The following LEKR1 variants were observed in gnomAD, a reference collection of about 807,000 sequenced individuals.
LEKR1 encodes protein LEKR1.
Under a neutral mutation model 72.4 loss-of-function variants are expected in LEKR1, and 59 were observed. That is an observed-to-expected ratio of 0.82 (90% CI 0.66 to 1.01). The LOEUF is 1.01. Among genes scored for constraint, LEKR1 ranks in the 50% least tolerant of loss-of-function variants. LEKR1 has a pLI of 0.00. For synonymous variants in LEKR1, 257 were observed against 263.2 expected, an observed-to-expected ratio of 0.98 and a Z score of 0.23; for missense variants, 728 against 759.2, an observed-to-expected ratio of 0.96 and a Z score of 0.48.
chr3:156,962,061 G>A (rs1314645403), intron 6 of LEKR1, among the ~76,000 whole-genome samples: 2 of 152,214 alleles, frequency 1.3e-5, no homozygotes, highest in African/African-American at 2.4e-5. Context: ...CTGATTAGCT[G>A]TAACAGTAGT....
intron 11 of LEKR1, among the ~76,000 whole-genome samples, chr3:157,026,246 T>C (rs1416103525): frequency 6.6e-6 from 1 of 152,118 alleles, no homozygotes; most frequent in Admixed American, 6.5e-5. Context: ...CCCTTTCTTC[T>C]TCCTCTCACT....
Position 156,835,863 on chromosome 3 carries a change from C to CTTTTTTT in LEKR1, c.48+6509_48+6515dup, listed in dbSNP as rs59061418. Among the ~76,000 whole-genome samples the CTTTTTTT allele has an allele frequency of 4.3e-4, 24 of 55,532 alleles. 4 individuals carry two copies. The highest frequency in any genetic ancestry group is 7.4e-4 in the East Asian group (1 of 1,360). The allele number at this position is 55,532 out of a possible 152,430, so 36.4% of individuals were successfully genotyped here. A position where few individuals can be genotyped will look rare whatever the true frequency, so the allele number is the denominator to read the frequency against. On this transcript the variant is annotated intron_variant, in intron 2 of 12. Transcript: ENST00000356539. ...TCCCCCCAAGTCTTGCTCTGTCTCACTTTTTTTTTTTTTTTTTTTTTTTTT... is the reference window on the plus strand; with the variant it reads ...TCCCCCCAAGTCTTGCTCTGTCTCACTTTTTTTTTTTTTTTTTTTTTTTTTTTTTTTT...
At chr3:156,864,278 A>G (rs1717075409) in intron 3 of LEKR1, among the ~76,000 whole-genome samples, 1 of 151,944 alleles carries the variant, frequency 6.6e-6, no homozygotes, top group African/African-American at 2.4e-5. Flanking sequence ...TTCAAGTCCC[A>G]TTTACATTAT....
intron 3 of LEKR1, among the ~76,000 whole-genome samples, chr3:156,897,720 A>G (rs1454452715): frequency 2.0e-5 from 3 of 152,204 alleles, no homozygotes; most frequent in Non-Finnish European, 2.9e-5. Context: ...TGGGAGGCCA[A>G]GGCAGGTGGA....
intron 6 of LEKR1, among the ~76,000 whole-genome samples, chr3:156,959,595 A>G (rs905713991): frequency 6.6e-6 from 1 of 151,946 alleles, no homozygotes; most frequent in African/African-American, 2.4e-5. Context: ...ACTCTATACT[A>G]TCCATTTCCC....
At chr3:156,924,488 T>TTATA (rs1215275944) in intron 4 of LEKR1, 1 of 685,786 alleles carries the variant, frequency 1.5e-6, no homozygotes, top group Admixed American at 2.1e-5. Context: ...ATTTATCTGT[T>TTATA]TTATAGATTG....
rs147341333 is a variant in LEKR1 at position 156,953,005 on chromosome 3, C to A, written c.745+10291C>A. ...TATGCACTGTGGTATAATTTGTATA[C>A]AAAATATGAAGTGAAATATATGTGT... On this transcript the variant is annotated intron_variant, in intron 6 of 12. Transcript: ENST00000356539. Among the ~76,000 whole-genome samples the A allele has an allele frequency of 5.6e-3, 840 of 151,250 alleles. 2 individuals carry two copies. Among genetic ancestry groups the A allele is most frequent in the Admixed American group, 0.013 (194 of 15,110 alleles).
intron 3 of LEKR1, among the ~76,000 whole-genome samples, chr3:156,858,667 C>A (rs1716383025): frequency 7.1e-6 from 1 of 141,066 alleles, no homozygotes. Context: ...AGAGCGAGAC[C>A]CTGTCTCAAA....
At chr3:156,953,569 T>A (rs1333744667) in intron 6 of LEKR1, among the ~76,000 whole-genome samples, 3 of 151,730 alleles carry the variant, frequency 2.0e-5, no homozygotes, top group Non-Finnish European at 4.4e-5. Flanking sequence ...TATGTTCCTA[T>A]CATTCAGCTC....
intron 3 of LEKR1, among the ~76,000 whole-genome samples, chr3:156,867,229 A>ATT (rs1717414443): frequency 6.6e-6 from 1 of 152,106 alleles, no homozygotes; most frequent in Admixed American, 6.6e-5. Flanking sequence ...GAGATAGCTT[A>ATT]TTATAAGTAA....
intron 3 of LEKR1, among the ~76,000 whole-genome samples, chr3:156,912,342 A>G (rs1405598856): frequency 6.6e-6 from 1 of 152,078 alleles, no homozygotes; most frequent in East Asian, 1.9e-4. Flanking sequence ...CTGGGATAAT[A>G]TTCCAGGAAG....
intron 11 of LEKR1, among the ~76,000 whole-genome samples, chr3:157,026,561 T>A (rs1387715175): frequency 1.3e-5 from 2 of 152,170 alleles, no homozygotes; most frequent in Non-Finnish European, 2.9e-5. Context: ...TTGGATTAAT[T>A]GAAGATAATA....
intron 12 of LEKR1, among the ~76,000 whole-genome samples, chr3:157,031,258 G>A (rs773417608): frequency 1.3e-5 from 2 of 152,054 alleles, no homozygotes; most frequent in Non-Finnish European, 2.9e-5. Flanking sequence ...TAGGAATAAA[G>A]CTTTTTTAAA....
chr3:156,837,723 T>C (rs1713340649), intron 2 of LEKR1, among the ~76,000 whole-genome samples: 1 of 152,222 alleles, frequency 6.6e-6, no homozygotes, highest in Non-Finnish European at 1.5e-5. Context: ...AAATCCTTTT[T>C]CCCATTAATC....
intron 3 of LEKR1, among the ~76,000 whole-genome samples, chr3:156,869,714 A>G (rs1576699586): frequency 1.3e-5 from 2 of 151,866 alleles, no homozygotes; most frequent in East Asian, 3.9e-4. Flanking sequence ...AGTTTAATAT[A>G]GTCCCATTTG....
chr3:156,840,647 C>G (rs1560016440), intron 2 of LEKR1, among the ~76,000 whole-genome samples: 1 of 152,198 alleles, frequency 6.6e-6, no homozygotes, highest in Non-Finnish European at 1.5e-5. Flanking sequence ...TTAGCATTAA[C>G]CATGCCATCG....
intron 3 of LEKR1, among the ~76,000 whole-genome samples, chr3:156,866,201 G>A (rs1717293142): frequency 6.6e-6 from 1 of 152,066 alleles, no homozygotes; most frequent in African/African-American, 2.4e-5. Flanking sequence ...AGGCAGAAGA[G>A]CTTAACTTTC....
At chr3:156,844,039 C>A (rs540862309) in intron 2 of LEKR1, among the ~76,000 whole-genome samples, 73 of 151,968 alleles carry the variant, frequency 4.8e-4, no homozygotes, top group Non-Finnish European at 7.1e-4. Context: ...AATTTGTAGT[C>A]AAAAATACTT....
chr3:156,942,398 TGTC>T, intron 5 of LEKR1, 128 bp from the exon 6 acceptor site: 2 of 317,842 alleles, frequency 6.3e-6, no homozygotes, highest in South Asian at 5.2e-5. Context: ...TTTAGTTAGA[TGTC>T]ATTATAATCT....
Sources: gnomAD v4.1 joint callset for allele counts (sites outside exome capture counted in the v4.1 genomes callset) on GRCh38, gnomAD v4.1.1 for gene constraint, MANE v1.5 for transcripts, NCBI Gene and HGNC (gene_info 2026-07-23, HGNC 2026-07-21) for gene names.